YWHAB: variants seen among roughly 807,000 people sequenced by gnomAD.
YWHAB encodes the protein tyrosine 3-monooxygenase/tryptophan 5-monooxygenase activation protein beta, also known as 14-3-3 protein beta/alpha.
YWHAB carries 2 observed loss-of-function variants against 28.5 expected under a neutral mutation model. The observed-to-expected ratio is 0.07, with a 90% CI of 0.03 to 0.22. The LOEUF is 0.22. Among genes scored for constraint, YWHAB ranks in the 10% least tolerant of loss-of-function variants. The probability of loss-of-function intolerance (pLI) is 1.00; values close to 1 mark genes in which losing one functional copy is unlikely to be tolerated. For synonymous variants in YWHAB, 103 were observed against 104.7 expected, an observed-to-expected ratio of 0.98 and a Z score of 0.10; for missense variants, 148 against 297.1, an observed-to-expected ratio of 0.50 and a Z score of 3.69.
intron 2 of YWHAB, chr20:44,902,496 T>A (rs2066633219): frequency 6.6e-6 from 1 of 152,238 alleles, no homozygotes; most frequent in South Asian, 2.1e-4. Flanking sequence ...AACTTTCTTT[T>A]TCTTCCAGGT....
At chr20:44,886,099 C>T (rs987396154) in intron 1 of YWHAB, 1 of 152,252 alleles carries the variant, frequency 6.6e-6, no homozygotes. Flanking sequence ...TGGAGAGGCT[C>T]GGGCCGCCTG....
In YWHAB at chr20:44,906,673, G is replaced by C; in HGVS notation, c.*235G>C. On this transcript the variant is annotated 3_prime_UTR_variant, in exon 6 of 6. Coordinates refer to ENST00000353703, the MANE Select transcript of YWHAB (RefSeq NM_139323.4). ...CGAAGTTTTGATTTTGATTAACATT[G>C]ACAGGATTACTGTGTGTTTAATTTT... 1 of 344,056 alleles carries C rather than the reference G, an allele frequency of 2.9e-6. No individual in the cohort carries two copies. The highest frequency in any genetic ancestry group is 6.3e-5 in the South Asian group (1 of 15,858). The allele number at this position is 344,056 out of a possible 1,614,324, so 21.3% of individuals were successfully genotyped here.
intron 1 of YWHAB, among the ~76,000 whole-genome samples, chr20:44,892,857 G>A (rs531457683): frequency 4.6e-5 from 7 of 152,220 alleles, no homozygotes; most frequent in African/African-American, 7.2e-5. Context: ...AGACCCCACC[G>A]TATATTTTAT....
chr20:44,895,395 T>G (rs374000181), intron 1 of YWHAB, among the ~76,000 whole-genome samples: 3 of 152,170 alleles, frequency 2.0e-5, no homozygotes, highest in African/African-American at 7.2e-5. Flanking sequence ...AGCTTAAATT[T>G]GATGGAGTAG....
Position 44,906,596 on chromosome 20 carries a change from G to A in YWHAB, c.*158G>A. The A allele has an allele frequency of 1.9e-6, 1 of 529,376 alleles. No individual in the cohort carries two copies. The highest frequency in any genetic ancestry group is 3.5e-5 in the Admixed American group (1 of 28,944). 32.8% of individuals were successfully genotyped at this position (529,376 alleles called of 1,614,324 possible). A position where few individuals can be genotyped will look rare whatever the true frequency, so the allele number is the denominator to read the frequency against. On this transcript the variant is annotated 3_prime_UTR_variant, in exon 6 of 6. Transcript: ENST00000353703. ...GGAAAAATGGTTCATGGGATAAACA[G>A]CTGGTATTTGTATCTAAAACTCAGA...
At chr20:44,894,041 G>T (rs929191046) in intron 1 of YWHAB, among the ~76,000 whole-genome samples, 1 of 152,122 alleles carries the variant, frequency 6.6e-6, no homozygotes, top group Non-Finnish European at 1.5e-5. Flanking sequence ...TGGATATTTA[G>T]ATTTGCTTCC....
In YWHAB at chr20:44,908,249, A is replaced by G. The variant is rs1376451065; in HGVS notation, c.*1811A>G. The stretch of plus-strand genomic sequence containing the variant: ...CTTGGCGCTTGAAAATGCAGTAGTG[A>G]ATGTGGAACCAAGCCTGTCTGTATA... On this transcript the variant is annotated 3_prime_UTR_variant, in exon 6 of 6. Transcript: ENST00000353703. 4.6e-5 allele frequency: 7 copies of G among 152,548 alleles called. No individual in the cohort carries two copies. Among genetic ancestry groups the G allele is most frequent in the Admixed American group, 2.6e-4 (4 of 15,268 alleles). 9.4% of individuals were successfully genotyped at this position (152,548 alleles called of 1,614,324 possible). A position where few individuals can be genotyped will look rare whatever the true frequency, so the allele number is the denominator to read the frequency against.
chr20:44,891,686 T>G (rs2066563114), intron 1 of YWHAB, among the ~76,000 whole-genome samples: 1 of 152,180 alleles, frequency 6.6e-6, no homozygotes. Flanking sequence ...ACACCCTCAG[T>G]AAGTTTAATC....
rs747967651 is a variant in YWHAB, at chr20:44,889,783, TA to T, written c.-4+3901del. Reference sequence around the variant, plus strand: ...TAACATTAGCTTAATAGGCCAGTTTTAAAATTTCACTGTAACAACCTTGTAT... The same window carrying T: ...TAACATTAGCTTAATAGGCCAGTTTTAAATTTCACTGTAACAACCTTGTAT... On this transcript the variant is annotated intron_variant, in intron 1 of 5. Coordinates refer to ENST00000353703, the MANE Select transcript of YWHAB (RefSeq NM_139323.4). Among the ~76,000 whole-genome samples, 380 of 152,348 alleles carry T rather than the reference TA, an allele frequency of 2.5e-3. 2 individuals are homozygous for T. Among genetic ancestry groups the T allele is most frequent in the Non-Finnish European group, 3.4e-3 (230 of 68,018 alleles).
chr20:44,891,738 A>G (rs533089149), intron 1 of YWHAB, among the ~76,000 whole-genome samples: 1 of 152,342 alleles, frequency 6.6e-6, no homozygotes, highest in Admixed American at 6.5e-5. Context: ...GCAACAGCTG[A>G]TGTGAAAGAG....
At chr20:44,903,195 C>G (rs2066637204) in intron 2 of YWHAB, 6 of 671,116 alleles carry the variant, frequency 8.9e-6, no homozygotes, top group Non-Finnish European at 1.1e-5. Flanking sequence ...ACGTGCCAGG[C>G]AACGTGTTAA....
intron 1 of YWHAB, among the ~76,000 whole-genome samples, chr20:44,891,095 C>T (rs1488618338): frequency 6.6e-6 from 1 of 151,946 alleles, no homozygotes; most frequent in African/African-American, 2.4e-5. Flanking sequence ...TTACTCCTTA[C>T]AGGAACCCTA....
At chr20:44,886,061 T>A (rs1470594547) in intron 1 of YWHAB, 175 bp downstream of exon 1, 1 of 152,202 alleles carries the variant, frequency 6.6e-6, no homozygotes, top group Non-Finnish European at 1.5e-5. Context: ...GGCCCCTCCC[T>A]GTTTCCGGGG....
chr20:44,890,910 A>G (rs2085591935), intron 1 of YWHAB, among the ~76,000 whole-genome samples: 1 of 152,180 alleles, frequency 6.6e-6, no homozygotes, highest in African/African-American at 2.4e-5. Context: ...GCATAGGGAA[A>G]TTGTTATGTG....
At chr20:44,902,375 A>G (rs572627560) in intron 2 of YWHAB, 1 of 152,584 alleles carries the variant, frequency 6.6e-6, no homozygotes, top group African/African-American at 2.4e-5. Flanking sequence ...ATAAACCCTT[A>G]GTCAGATGAT....
At chr20:44,888,195 A>G (rs1192676363) in intron 1 of YWHAB, among the ~76,000 whole-genome samples, 1 of 152,226 alleles carries the variant, frequency 6.6e-6, no homozygotes, top group African/African-American at 2.4e-5. Context: ...TATAGATTAG[A>G]CATAGCATAT....
At chr20:44,897,753 C>CT (rs1438304718) in intron 1 of YWHAB, among the ~76,000 whole-genome samples, 3 of 152,186 alleles carry the variant, frequency 2.0e-5, no homozygotes, top group African/African-American at 7.2e-5. Flanking sequence ...ACTATATATA[C>CT]TTTTAAGATG....
rs117275764 is a variant in YWHAB, at chr20:44,897,879, G to A, written c.-3-3652G>A. Among the ~76,000 whole-genome samples, 31 of 152,286 alleles carry A rather than the reference G, an allele frequency of 2.0e-4. No individual in the cohort carries two copies. The South Asian group carries it at 2.1e-3, about 10-fold the overall frequency. On this transcript the variant is annotated intron_variant, in intron 1 of 5. Coordinates refer to ENST00000353703, the MANE Select transcript of YWHAB (RefSeq NM_139323.4). Reference sequence around the variant, plus strand: ...AAAGTTTCTTTTGTTTTCACCCTGCGTGTCCAATGCAGGTCTGCAGGAGTC... The same window carrying A: ...AAAGTTTCTTTTGTTTTCACCCTGCATGTCCAATGCAGGTCTGCAGGAGTC...
intron 1 of YWHAB, among the ~76,000 whole-genome samples, chr20:44,894,351 G>C (rs1404027081): frequency 6.6e-6 from 1 of 152,166 alleles, no homozygotes. Flanking sequence ...AAACTTTTTA[G>C]GAGACAAATA....
Sources: allele counts gnomAD v4.1 joint callset (sites outside exome capture counted in the v4.1 genomes callset), GRCh38; gene constraint gnomAD v4.1.1; transcripts MANE v1.5; gene names NCBI Gene and HGNC (gene_info 2026-07-23, HGNC 2026-07-21).